The following PPFIBP2 variants were observed in gnomAD, a reference collection of about 807,000 sequenced individuals.
The protein encoded by PPFIBP2 is liprin-beta-2.
PPFIBP2 carries 118 observed loss-of-function variants against 118.3 expected under a neutral mutation model. The ratio of observed to expected loss-of-function variants is 1.00; its 90% CI spans 0.86 to 1.16. PPFIBP2 has a LOEUF of 1.16. Ranked by LOEUF, PPFIBP2 falls within the 50% of genes most tolerant of loss-of-function variation. The pLI is 0.00. For synonymous variants in PPFIBP2, 414 were observed against 397.4 expected, an observed-to-expected ratio of 1.04 and a Z score of -0.50; for missense variants, 1,195 against 1,073.1, an observed-to-expected ratio of 1.11 and a Z score of -1.59.
chr11:7,665,857 A>G, the PPFIBP2 span: 2 of 1,535,910 alleles, frequency 1.3e-6, no homozygotes, highest in African/African-American at 1.4e-5. Flanking sequence ...AGCCAGCTGG[A>G]GTTGTCCGGC....
At chr11:7,607,104 G>T (rs1847463998) in intron 5 of PPFIBP2, among the ~76,000 whole-genome samples, 1 of 149,978 alleles carries the variant, frequency 6.7e-6, no homozygotes, top group Non-Finnish European at 1.5e-5. Flanking sequence ...TAGAGACGGG[G>T]TTTCACCATG....
chr11:7,574,545 T>C (rs950885934), intron 3 of PPFIBP2, among the ~76,000 whole-genome samples: 9 of 152,240 alleles, frequency 5.9e-5, no homozygotes, highest in African/African-American at 2.2e-4. Flanking sequence ...AGTAGTACTT[T>C]CTATATATTT....
Position 7,590,230 on chromosome 11 carries a change from C to T in PPFIBP2, c.280-2902C>T, listed in dbSNP as rs980201538. Among the ~76,000 whole-genome samples, 9 of 152,324 alleles carry T rather than the reference C, an allele frequency of 5.9e-5. No homozygotes were observed. In the South Asian group the frequency reaches 1.0e-3, roughly 18 times the overall value. On this transcript the variant is annotated intron_variant, in intron 3 of 23. Coordinates refer to ENST00000299492, the MANE Select transcript of PPFIBP2 (RefSeq NM_003621.5). ...TCCTGGCCTATGCCCTTCTGAAGAA[C>T]GCAGTTTTTTTTAACATCCTAGTCC...
At chr11:7,652,238 T>C (rs960110359) in intron 23 of PPFIBP2, among the ~76,000 whole-genome samples, 3 of 152,188 alleles carry the variant, frequency 2.0e-5, no homozygotes, top group Non-Finnish European at 4.4e-5. Context: ...GTCCTGCTGA[T>C]ATAGGAAGTG....
chr11:7,593,033 C>T (rs1859627240), intron 3 of PPFIBP2, 99 bp from the exon 4 acceptor site: 1 of 1,491,418 alleles, frequency 6.7e-7, no homozygotes, highest in African/African-American at 1.4e-5. Context: ...ATCAGTGAAA[C>T]TATCCTCACA....
intron 1 of PPFIBP2, among the ~76,000 whole-genome samples, chr11:7,515,528 A>G (rs551759762): frequency 1.3e-5 from 2 of 152,302 alleles, no homozygotes; most frequent in East Asian, 1.9e-4. Flanking sequence ...GGGTGATGTG[A>G]TGGACCTCAA....
At chr11:7,610,007 A>G (rs764182508) in intron 5 of PPFIBP2, among the ~76,000 whole-genome samples, 8 of 152,252 alleles carry the variant, frequency 5.3e-5, no homozygotes, top group Non-Finnish European at 1.0e-4. Context: ...ACTTTTCTCT[A>G]CATGGAAATA....
chr11:7,565,608 C>T lies in PPFIBP2; in HGVS notation c.120C>T (p.Ser40=). The T allele has an allele frequency of 1.2e-6, 2 of 1,614,214 alleles. No individual in the cohort carries two copies. The highest frequency in any genetic ancestry group is 2.2e-5 in the South Asian group (2 of 91,084). ...SDGTCEPGLA[S]PASYMNPFPV... ...GTACTTGTGAGCCTGGACTGGCTTC[C>T]CCGGCCTCCTACATGAACCCCTTCC... The change falls in exon 3 of 24, where the codon TCC becomes TCT. Residue 40 remains serine (S), a synonymous_variant. Transcript: ENST00000299492.
chr11:7,624,382 A>G (rs1849709420), intron 7 of PPFIBP2, among the ~76,000 whole-genome samples: 1 of 152,230 alleles, frequency 6.6e-6, no homozygotes, highest in African/African-American at 2.4e-5. Context: ...AGCAGTGAGC[A>G]CGGGGGCTGA....
At position 7,648,818 on chromosome 11, in the gene PPFIBP2, C is replaced by T. The variant is rs775125622; in HGVS notation, c.1816C>T (p.Pro606Ser). Residue 606 changes from proline (P) to serine (S), a missense_variant, in exon 19 of 24, where the codon CCA becomes TCA. Coordinates refer to ENST00000299492, the MANE Select transcript of PPFIBP2 (RefSeq NM_003621.5). ...ATTTCAGGAGCTAGGAATTAAGCACCCACTCCACAGGAAGAAGCTTGTTTT... is the reference window on the plus strand; with the variant it reads ...ATTTCAGGAGCTAGGAATTAAGCACTCACTCCACAGGAAGAAGCTTGTTTT... ...DMEKELGIKH[P>S]LHRKKLVLAV... 1.9e-6 allele frequency: 3 copies of T among 1,613,814 alleles called. No individual in the cohort carries two copies. The highest frequency in any genetic ancestry group is 2.7e-5 in the African/African-American group (2 of 74,882).
downstream of PPFIBP2, among the ~76,000 whole-genome samples, chr11:7,655,963 C>A (rs117319239): frequency 9.6e-4 from 146 of 152,252 alleles, 3 homozygotes; most frequent in East Asian, 0.025. Flanking sequence ...GTGAGCACAT[C>A]CTGGCACGCC....
intron 6 of PPFIBP2, 112 bp downstream of exon 6, chr11:7,610,534 C>G (rs978448777): frequency 4.8e-5 from 68 of 1,415,752 alleles, no homozygotes; most frequent in Admixed American, 4.7e-4. Flanking sequence ...CCAGAAATAT[C>G]TATACACTAG....
intron 7 of PPFIBP2, among the ~76,000 whole-genome samples, chr11:7,621,467 G>A (rs534029088): frequency 4.5e-4 from 69 of 152,256 alleles, no homozygotes; most frequent in African/African-American, 1.6e-3. Context: ...CCTAAAAATG[G>A]CATAAACTTC....
intron 1 of PPFIBP2, among the ~76,000 whole-genome samples, chr11:7,536,386 C>T (rs1253286434): frequency 1.3e-5 from 2 of 152,094 alleles, no homozygotes; most frequent in African/African-American, 4.8e-5. Context: ...GGAATAATAA[C>T]AGTAGGGTGC....
At chr11:7,571,613 A>T (rs993447061) in intron 3 of PPFIBP2, 27 of 152,184 alleles carry the variant, frequency 1.8e-4, no homozygotes, top group African/African-American at 6.0e-4. Context: ...TCTGGATCTT[A>T]GAGGAGGGAA....
Position 7,648,702 on chromosome 11 carries a change from A to C in PPFIBP2, c.1798-98A>C, listed in dbSNP as rs557021985. The C allele has an allele frequency of 4.2e-4, 589 of 1,417,370 alleles. 9 individuals are homozygous for C. In the South Asian group the frequency reaches 6.6e-3, roughly 16 times the overall value. 87.8% of individuals were successfully genotyped at this position (1,417,370 alleles called of 1,614,324 possible). On this transcript the variant is annotated intron_variant, in intron 18 of 23. Transcript: ENST00000299492. ...ATCCCAGGGCACGGTGTGGAGATAC[A>C]CTGCCATACTCAGAGCATCTCCACC...
chr11:7,514,284 G>A (rs998747947), intron 1 of PPFIBP2, among the ~76,000 whole-genome samples, 163 bp downstream of exon 1: 1 of 152,348 alleles, frequency 6.6e-6, no homozygotes, highest in East Asian at 1.9e-4. Flanking sequence ...GCTCGAGGAC[G>A]GGGACCCTTC....
the PPFIBP2 span, chr11:7,665,620 C>A: frequency 6.9e-7 from 1 of 1,448,996 alleles, no homozygotes; most frequent in Non-Finnish European, 9.3e-7. Context: ...GCCTGCACAC[C>A]CACCCTCAGC....
intron 3 of PPFIBP2, among the ~76,000 whole-genome samples, chr11:7,592,891 G>A (rs1220795193): frequency 6.6e-6 from 1 of 152,216 alleles, no homozygotes; most frequent in Non-Finnish European, 1.5e-5. Flanking sequence ...TCCTGGCCAG[G>A]AGTGAGGTCA....
Sources: gnomAD v4.1 joint callset for allele counts (sites outside exome capture counted in the v4.1 genomes callset) on GRCh38, gnomAD v4.1.1 for gene constraint, MANE v1.5 for transcripts, NCBI Gene and HGNC (gene_info 2026-07-23, HGNC 2026-07-21) for gene names.